Variants in AGMO observed in about 807,000 individuals in gnomAD.
AGMO encodes the protein glyceryl-ether monooxygenase.
A neutral mutation model predicts 60.2 loss-of-function variants in AGMO; 75 were observed. The ratio of observed to expected loss-of-function variants is 1.25; its 90% CI spans 1.03 to 1.51. The LOEUF (loss-of-function observed/expected upper bound fraction) is 1.51. AGMO is among the 40% of genes most tolerant of loss of function. AGMO has a pLI of 0.00. For synonymous variants in AGMO, 261 were observed against 177.1 expected, an observed-to-expected ratio of 1.47 and a Z score of -3.76; for missense variants, 763 against 525.5, an observed-to-expected ratio of 1.45 and a Z score of -4.42.
At chr7:15,191,969 TCTCTCA>T in the AGMO span, among the ~76,000 whole-genome samples, 919 of 73,524 alleles carry the variant, frequency 0.012, 11 homozygotes, top group African/African-American at 0.038. Flanking sequence ...CCTCTGTCTC[TCTCTCA>T]CACACACACA....
At chr7:15,372,869 G>A (rs764229504) in intron 10 of AGMO, among the ~76,000 whole-genome samples, 2 of 152,082 alleles carry the variant, frequency 1.3e-5, no homozygotes, top group Non-Finnish European at 2.9e-5. Context: ...ATTTTAATTT[G>A]GACGTATGAT....
intron 3 of AGMO, among the ~76,000 whole-genome samples, chr7:15,478,860 A>G (rs562445065): frequency 6.6e-6 from 1 of 152,288 alleles, no homozygotes; most frequent in Admixed American, 6.5e-5. Context: ...ATATTGAAAA[A>G]TATACACCCC....
chr7:15,316,001 G>T (rs1028552454), intron 12 of AGMO, among the ~76,000 whole-genome samples: 4 of 152,024 alleles, frequency 2.6e-5, no homozygotes, highest in African/African-American at 7.3e-5. Flanking sequence ...ACTTTTGAGA[G>T]ATATTATTAG....
At chr7:15,355,029 G>A (rs966065229) in intron 12 of AGMO, among the ~76,000 whole-genome samples, 6 of 152,030 alleles carry the variant, frequency 3.9e-5, no homozygotes, top group Non-Finnish European at 7.4e-5. Context: ...CTATTGAAGA[G>A]AAGATTCCTG....
chr7:15,348,179 C>G (rs751378053), intron 12 of AGMO, among the ~76,000 whole-genome samples: 8 of 152,034 alleles, frequency 5.3e-5, no homozygotes, highest in Non-Finnish European at 1.0e-4. Context: ...TTAGCACAGT[C>G]TCATGTTCTC....
At chr7:15,426,703 A>C (rs1781073650) in intron 4 of AGMO, among the ~76,000 whole-genome samples, 1 of 152,074 alleles carries the variant, frequency 6.6e-6, no homozygotes, top group African/African-American at 2.4e-5. Context: ...GGGCTGAGAC[A>C]CACCACTGCA....
At chr7:15,377,889 A>G (rs955670335) in intron 10 of AGMO, among the ~76,000 whole-genome samples, 2 of 152,032 alleles carry the variant, frequency 1.3e-5, no homozygotes, top group Non-Finnish European at 2.9e-5. Context: ...GTGCACTGCC[A>G]AGCGTAATGT....
At chr7:15,222,744 G>A (rs1195736478) in intron 12 of AGMO, among the ~76,000 whole-genome samples, 1 of 151,766 alleles carries the variant, frequency 6.6e-6, no homozygotes, top group Non-Finnish European at 1.5e-5. Flanking sequence ...TTCCATATGT[G>A]GTTTCCCCTA....
At chr7:15,452,991 T>C (rs1355575153) in intron 3 of AGMO, among the ~76,000 whole-genome samples, 1 of 152,152 alleles carries the variant, frequency 6.6e-6, no homozygotes, top group Non-Finnish European at 1.5e-5. Flanking sequence ...CGTGAATGAT[T>C]TCATTTATAT....
chr7:15,309,259 G>A (rs1311006392), intron 12 of AGMO, among the ~76,000 whole-genome samples: 1 of 152,128 alleles, frequency 6.6e-6, no homozygotes, highest in East Asian at 1.9e-4. Context: ...TTACAGACAG[G>A]CAAGCTGAGT....
At chr7:15,229,606 C>T (rs990616590) in intron 12 of AGMO, among the ~76,000 whole-genome samples, 2 of 148,720 alleles carry the variant, frequency 1.3e-5, no homozygotes, top group African/African-American at 4.9e-5. Flanking sequence ...GCCAACTTCA[C>T]AAAACTTTCA....
chr7:15,142,369 A>T, the AGMO span, among the ~76,000 whole-genome samples: 6 of 152,272 alleles, frequency 3.9e-5, no homozygotes, highest in Admixed American at 1.3e-4. Flanking sequence ...GAACCATAAC[A>T]GTCATAGCTA....
the AGMO span, among the ~76,000 whole-genome samples, chr7:15,188,268 C>CT: frequency 6.6e-6 from 1 of 152,112 alleles, no homozygotes; most frequent in East Asian, 1.9e-4. Flanking sequence ...GAGTAAACTG[C>CT]TTAAGTCTCA....
chr7:15,250,649 C>T (rs1782902373), intron 12 of AGMO, among the ~76,000 whole-genome samples: 1 of 151,700 alleles, frequency 6.6e-6, no homozygotes, highest in Non-Finnish European at 1.5e-5. Context: ...CTGGAGATGA[C>T]CACTGGAAAA....
chr7:15,389,767 A>C (rs904452249), intron 8 of AGMO, among the ~76,000 whole-genome samples: 1 of 152,214 alleles, frequency 6.6e-6, no homozygotes, highest in East Asian at 1.9e-4. Context: ...CCATCAGAAA[A>C]TGGGAATGAA....
intron 12 of AGMO, among the ~76,000 whole-genome samples, chr7:15,280,324 C>T (rs193224956): frequency 1.2e-4 from 18 of 152,258 alleles, no homozygotes; most frequent in Admixed American, 1.2e-3. Context: ...CTGCTGCCTG[C>T]TTACTCCCCA....
chr7:15,171,107 G>A, the AGMO span, among the ~76,000 whole-genome samples: 20 of 151,988 alleles, frequency 1.3e-4, no homozygotes, highest in East Asian at 1.6e-3. Context: ...TTAGCCTCCC[G>A]AGTAGCTGGG....
intron 12 of AGMO, among the ~76,000 whole-genome samples, chr7:15,233,871 A>T (rs1457805987): frequency 6.6e-6 from 1 of 152,064 alleles, no homozygotes; most frequent in Non-Finnish European, 1.5e-5. Flanking sequence ...ACGTGGTGAA[A>T]CCCTGTCTCT....
At chr7:15,248,995 A>G (rs1298695467) in intron 12 of AGMO, among the ~76,000 whole-genome samples, 2 of 152,188 alleles carry the variant, frequency 1.3e-5, no homozygotes, top group African/African-American at 4.8e-5. Flanking sequence ...CAGTTTAACA[A>G]ATGAGTATGG....
Sources: allele counts gnomAD v4.1 joint callset (sites outside exome capture counted in the v4.1 genomes callset), GRCh38; gene constraint gnomAD v4.1.1; transcripts MANE v1.5; gene names NCBI Gene and HGNC (gene_info 2026-07-23, HGNC 2026-07-21).